The following ADD2 variants were observed in gnomAD, a reference collection of about 807,000 sequenced individuals.
ADD2 encodes the protein beta-adducin.
A neutral mutation model predicts 83.0 loss-of-function variants in ADD2; 23 were observed. The ratio of observed to expected loss-of-function variants is 0.28; its 90% CI spans 0.20 to 0.39. ADD2 has a LOEUF of 0.39. ADD2 is among the 10% of genes least tolerant of loss of function. ADD2 has a pLI of 1.00. For missense variants in ADD2, 758 were observed against 944.9 expected (o/e 0.80, Z 2.59); for synonymous variants, 375 against 375.4 (o/e 1.00, Z 0.01).
At chr2:70,695,630 T>C in intron 6 of ADD2, 91 bp downstream of exon 6, 1 of 1,227,334 alleles carries the variant, frequency 8.1e-7, no homozygotes, top group Non-Finnish European at 1.2e-6. Flanking sequence ...AGCGCAACAG[T>C]GACCAATTTG....
intron 13 of ADD2, chr2:70,675,592 A>G (rs782163118): frequency 1.5e-4 from 151 of 985,336 alleles, no homozygotes; most frequent in Non-Finnish European, 1.7e-4. Context: ...CTAATTCAGC[A>G]TCCTCATCTT....
chr2:70,742,439 A>G (rs1574312498), intron 1 of ADD2, among the ~76,000 whole-genome samples: 1 of 152,288 alleles, frequency 6.6e-6, no homozygotes, highest in African/African-American at 2.4e-5. Context: ...AACTTTTAAT[A>G]TTTATACATA....
At chr2:70,757,425 A>G (rs1016147992) in intron 1 of ADD2, among the ~76,000 whole-genome samples, 2 of 152,174 alleles carry the variant, frequency 1.3e-5, no homozygotes, top group South Asian at 4.1e-4. Context: ...AAAAATAATG[A>G]TATATTTTAT....
At chr2:70,673,050 A>G (rs868988108) in intron 14 of ADD2, 44 bp from the exon 15 acceptor site, 1 of 1,593,940 alleles carries the variant, frequency 6.3e-7, no homozygotes, top group Middle Eastern at 1.7e-4. Context: ...TCAAATAGAG[A>G]AGAGATGGGC....
intron 15 of ADD2, among the ~76,000 whole-genome samples, chr2:70,671,745 A>C (rs781367429): frequency 2.8e-4 from 42 of 152,280 alleles, no homozygotes; most frequent in Middle Eastern, 3.4e-3. Flanking sequence ...TTCTGGCAAC[A>C]CTGGGCCTGC....
chr2:70,746,735 T>C (rs1218356192), intron 1 of ADD2, among the ~76,000 whole-genome samples: 3 of 152,190 alleles, frequency 2.0e-5, no homozygotes, highest in Non-Finnish European at 4.4e-5. Context: ...CACTGGCCTC[T>C]AGGATTTCTC....
chr2:70,688,265 T>G, intron 8 of ADD2, 143 bp from the exon 9 acceptor site: 1 of 594,632 alleles, frequency 1.7e-6, no homozygotes, highest in Non-Finnish European at 2.9e-6. Flanking sequence ...TCTAATCAAA[T>G]ACCCCAAAGC....
At chr2:70,677,904 G>A (rs550494762) in intron 11 of ADD2, 27 bp from the exon 12 acceptor site, 3 of 1,613,782 alleles carry the variant, frequency 1.9e-6, no homozygotes, top group Non-Finnish European at 2.5e-6. Flanking sequence ...TCATGGGGCT[G>A]AGGTGAGGGA....
chr2:70,670,182 C>T (rs148130158), intron 15 of ADD2, among the ~76,000 whole-genome samples: 117 of 152,320 alleles, frequency 7.7e-4, no homozygotes, highest in African/African-American at 2.7e-3. Flanking sequence ...TGGCTTAAAA[C>T]ATCAAGTACT....
At chr2:70,747,667 A>G (rs1201160812) in intron 1 of ADD2, among the ~76,000 whole-genome samples, 1 of 152,222 alleles carries the variant, frequency 6.6e-6, no homozygotes, top group African/African-American at 2.4e-5. Flanking sequence ...ATAGTCACTC[A>G]GGCAAGAGAA....
chr2:70,675,936 G>C, intron 13 of ADD2: 15 of 985,436 alleles, frequency 1.5e-5, no homozygotes, highest in Non-Finnish European at 1.8e-5. Context: ...GACCCTGCGG[G>C]ATATTCAGTG....
chr2:70,733,153 A>G (rs1467911137), intron 1 of ADD2, among the ~76,000 whole-genome samples: 2 of 152,202 alleles, frequency 1.3e-5, no homozygotes, highest in Non-Finnish European at 2.9e-5. Flanking sequence ...CATTTCTATT[A>G]GATTTGGCAT....
intron 1 of ADD2, among the ~76,000 whole-genome samples, chr2:70,720,972 A>C (rs1574287004): frequency 1.3e-5 from 2 of 152,296 alleles, no homozygotes; most frequent in South Asian, 2.1e-4. Context: ...GCAGCCACCA[A>C]ATGGAAGAAA....
Position 70,674,571 on chromosome 2 carries a change from G to A in ADD2, c.1741+107C>T, listed in dbSNP as rs545219133. ...TTTTGTGATTAATGGAACTACAGTA[G>A]AAATATTCTTTGATGATGGGGCAGG... is the stretch of plus-strand genomic sequence containing the variant. On this transcript the variant is annotated intron_variant, in intron 14 of 15. Coordinates refer to ENST00000264436, the MANE Select transcript of ADD2 (RefSeq NM_001617.4). The A allele has an allele frequency of 1.9e-4, 239 of 1,247,376 alleles. No individual in the cohort carries two copies. In the African/African-American group the frequency reaches 3.4e-3, roughly 18 times the overall value. The allele number at this position is 1,247,376 out of a possible 1,614,324, so 77.3% of individuals were successfully genotyped here. A position where few individuals can be genotyped will look rare whatever the true frequency, so the allele number is the denominator to read the frequency against.
At chr2:70,725,065 C>G (rs1280433035) in intron 1 of ADD2, among the ~76,000 whole-genome samples, 1 of 152,150 alleles carries the variant, frequency 6.6e-6, no homozygotes, top group Non-Finnish European at 1.5e-5. Flanking sequence ...TAGTTTATAT[C>G]CTGGGTGTAC....
intron 1 of ADD2, among the ~76,000 whole-genome samples, chr2:70,738,619 T>C (rs1673711029): frequency 6.6e-6 from 1 of 152,222 alleles, no homozygotes. Flanking sequence ...TCATGCTTCA[T>C]CTGTACCAGG....
At chr2:70,756,370 T>C (rs1674790834) in intron 1 of ADD2, among the ~76,000 whole-genome samples, 1 of 152,184 alleles carries the variant, frequency 6.6e-6, no homozygotes, top group Non-Finnish European at 1.5e-5. Flanking sequence ...GATTAAAGCC[T>C]ATCTCTGTGG....
intron 13 of ADD2, chr2:70,675,638 C>T: frequency 1.0e-6 from 1 of 985,396 alleles, no homozygotes; most frequent in Non-Finnish European, 1.2e-6. Flanking sequence ...AGCTGAGGAG[C>T]AAAGAGAGTG....
intron 2 of ADD2, among the ~76,000 whole-genome samples, chr2:70,707,790 A>G (rs1331648698): frequency 6.6e-6 from 1 of 152,248 alleles, no homozygotes; most frequent in Non-Finnish European, 1.5e-5. Flanking sequence ...CTGGGTTCTC[A>G]TCCATAACCT....
Sources: allele counts gnomAD v4.1 joint callset (sites outside exome capture counted in the v4.1 genomes callset), GRCh38; gene constraint gnomAD v4.1.1; transcripts MANE v1.5; gene names NCBI Gene and HGNC (gene_info 2026-07-23, HGNC 2026-07-21).